Variants in DNAJC11 observed in about 807,000 individuals in gnomAD.
The protein encoded by DNAJC11 is dnaJ homolog subfamily C member 11.
Under a neutral mutation model 78.6 loss-of-function variants are expected in DNAJC11, and 15 were observed. The observed-to-expected ratio is 0.19, with a 90% confidence interval of 0.13 to 0.29. The LOEUF (loss-of-function observed/expected upper bound fraction) is 0.29, where lower values mean the gene tolerates loss of function less well. DNAJC11 is among the 10% of genes least tolerant of loss of function. DNAJC11 has a pLI of 1.00. For missense variants in DNAJC11, 547 were observed against 709.6 expected (o/e 0.77, Z 2.60); for synonymous variants, 292 against 272.1 (o/e 1.07, Z -0.72).
At chr1:6,671,845 A>T (rs539989176) in intron 3 of DNAJC11, among the ~76,000 whole-genome samples, 3 of 151,306 alleles carry the variant, frequency 2.0e-5, no homozygotes, top group Non-Finnish European at 4.4e-5. Context: ...TTAATATTTT[A>T]TTTTTTTGAG....
At chr1:6,647,139 C>T (rs965636619) in intron 7 of DNAJC11, among the ~76,000 whole-genome samples, 4 of 138,612 alleles carry the variant, frequency 2.9e-5, no homozygotes, top group Non-Finnish European at 6.0e-5. Flanking sequence ...AGTGCAGTAG[C>T]GTGATCTTCT....
chr1:6,658,375 T>G (rs2148736204), intron 4 of DNAJC11, among the ~76,000 whole-genome samples: 1 of 152,350 alleles, frequency 6.6e-6, no homozygotes, highest in Non-Finnish European at 1.5e-5. Context: ...TCCTGGTATA[T>G]GATCTGGGTC....
chr1:6,662,269 C>T (rs1447220828), intron 4 of DNAJC11, among the ~76,000 whole-genome samples: 2 of 152,024 alleles, frequency 1.3e-5, no homozygotes. Flanking sequence ...TCTCGGCTCA[C>T]TGCAACCCCC....
At chr1:6,636,470 T>C (rs1325604653) in intron 14 of DNAJC11, among the ~76,000 whole-genome samples, 3 of 152,194 alleles carry the variant, frequency 2.0e-5, no homozygotes, top group Non-Finnish European at 2.9e-5. Context: ...AGATGACTTC[T>C]AGGGTGCCAG....
chr1:6,675,244 C>T (rs1418934604), intron 3 of DNAJC11, among the ~76,000 whole-genome samples: 18 of 148,622 alleles, frequency 1.2e-4, no homozygotes, highest in African/African-American at 4.2e-4. Flanking sequence ...ATTTAGTTTT[C>T]TTTGAAAGCA....
intron 4 of DNAJC11, among the ~76,000 whole-genome samples, chr1:6,662,631 T>A (rs907797947): frequency 8.6e-5 from 13 of 152,012 alleles, no homozygotes; most frequent in African/African-American, 3.1e-4. Context: ...CACCAATCAG[T>A]GCTCTGTGGC....
intron 3 of DNAJC11, among the ~76,000 whole-genome samples, chr1:6,669,540 GA>G (rs1185990089): frequency 7.3e-5 from 11 of 149,992 alleles, no homozygotes; most frequent in Admixed American, 2.7e-4. Context: ...GAAAAGAAAA[GA>G]AAAGAAAAGA....
At chr1:6,698,626 TAA>T (rs35596906) in intron 1 of DNAJC11, among the ~76,000 whole-genome samples, 2,748 of 145,898 alleles carry the variant, frequency 0.019, 68 homozygotes, top group African/African-American at 0.063. Flanking sequence ...TTGGGAGAAG[TAA>T]AAAAAAAAAA....
At chr1:6,641,743 G>T (rs1368078909) in intron 10 of DNAJC11, among the ~76,000 whole-genome samples, 3 of 152,084 alleles carry the variant, frequency 2.0e-5, no homozygotes, top group Non-Finnish European at 4.4e-5. Context: ...AAGTGATTTG[G>T]CTTTGTTTCC....
At chr1:6,657,329 T>C (rs915068340) in intron 4 of DNAJC11, among the ~76,000 whole-genome samples, 3 of 151,748 alleles carry the variant, frequency 2.0e-5, no homozygotes, top group Admixed American at 2.0e-4. Context: ...CGGGGAGAGG[T>C]TGCCTAGAGA....
chr1:6,686,728 T>G (rs1308193835), intron 1 of DNAJC11, among the ~76,000 whole-genome samples: 1 of 152,252 alleles, frequency 6.6e-6, no homozygotes, highest in Non-Finnish European at 1.5e-5. Flanking sequence ...ACGGTACTTA[T>G]ACCTACCATG....
At chr1:6,699,702 A>G (rs945179819) in intron 1 of DNAJC11, among the ~76,000 whole-genome samples, 15 of 152,178 alleles carry the variant, frequency 9.9e-5, no homozygotes, top group Admixed American at 2.0e-4. Context: ...ATGTTTACCT[A>G]TGTAACAAAC....
Position 6,653,860 on chromosome 1 carries a change from C to G in DNAJC11, c.507+51G>C. On this transcript the variant is annotated intron_variant, in intron 5 of 15. Transcript: ENST00000377577. This position sits in a 1 kb window ranked among gnomAD's most constrained non-coding sequence, Gnocchi z 4.5. The stretch of plus-strand genomic sequence containing the variant: ...ATTCCAGCTGCTTGGTGTGCTGTGC[C>G]TCATTAACTCGAGCCCTTGCTGTAC... 6.2e-7 allele frequency: 1 copy of G among 1,600,700 alleles called. No individual in the cohort carries two copies. The highest frequency in any genetic ancestry group is 8.5e-7 in the Non-Finnish European group (1 of 1,170,662).
chr1:6,652,930 T>C lies in DNAJC11; in HGVS notation c.529A>G (p.Thr177Ala). The change falls in exon 6 of 16, where the codon ACA becomes GCA. Residue 177 changes from threonine to alanine, a missense_variant. Thr to Ala is a moderately conservative substitution (Grantham distance 58, BLOSUM62 0). Coordinates refer to ENST00000377577, the MANE Select transcript of DNAJC11 (RefSeq NM_018198.4). Reference sequence around the variant, plus strand: ...GAGAGGCTTCCAGAGAGGATGGCTGTGTCTGTCGCTGTCAAGGGTGCCTAA... The same window carrying C: ...GAGAGGCTTCCAGAGAGGATGGCTGCGTCTGTCGCTGTCAAGGGTGCCTAA... ...SIEAPLTATD[T>A]AILSGSLSTQ... The C allele has an allele frequency of 6.2e-7, 1 of 1,614,188 alleles. No homozygotes were observed. Among genetic ancestry groups the C allele is most frequent in the East Asian group, 2.2e-5 (1 of 44,884 alleles).
chr1:6,667,866 G>A (rs373970117), intron 3 of DNAJC11, 56 bp from the exon 4 acceptor site: 45 of 1,509,910 alleles, frequency 3.0e-5, no homozygotes, highest in South Asian at 1.5e-4. Flanking sequence ...TAAGGGAAAC[G>A]TACACAAAGA....
chr1:6,651,562 C>A lies in DNAJC11; in HGVS notation c.671G>T (p.Gly224Val). 6.2e-7 allele frequency: 1 copy of A among 1,614,140 alleles called. No homozygotes were observed. The change falls in exon 7 of 16, where the codon GGT becomes GTT. Residue 224 changes from glycine to valine, a missense_variant. Coordinates refer to ENST00000377577, the MANE Select transcript of DNAJC11 (RefSeq NM_018198.4). ...TGTGAGATTACGGAACAGCTTGAGA[C>A]CGAACAAAGGCCCCTGTAGGTCTCC... ...GAGDLQGPLFGLKLFRNLTPR... is the reference protein window; with the variant it reads ...GAGDLQGPLFVLKLFRNLTPR...
intron 1 of DNAJC11, among the ~76,000 whole-genome samples, chr1:6,696,126 G>A (rs1447142590): frequency 5.9e-5 from 9 of 152,206 alleles, no homozygotes; most frequent in Non-Finnish European, 1.2e-4. Context: ...TTGGACAACC[G>A]AGGCTTAATT....
intron 3 of DNAJC11, among the ~76,000 whole-genome samples, chr1:6,676,948 T>C (rs575963398): frequency 3.3e-5 from 5 of 151,772 alleles, no homozygotes; most frequent in African/African-American, 1.2e-4. Flanking sequence ...CCGAGGTGGG[T>C]GGATCGTCTG....
At chr1:6,660,617 C>T (rs778704532) in intron 4 of DNAJC11, among the ~76,000 whole-genome samples, 10 of 152,074 alleles carry the variant, frequency 6.6e-5, no homozygotes, top group Admixed American at 3.9e-4. Context: ...AATTACTTTG[C>T]GAATAAATCA....
Sources: gnomAD v4.1 joint callset for allele counts (sites outside exome capture counted in the v4.1 genomes callset) on GRCh38, gnomAD v4.1.1 for gene constraint, Gnocchi (gnomAD v3.1) non-coding constraint, MANE v1.5 for transcripts, NCBI Gene and HGNC (gene_info 2026-07-23, HGNC 2026-07-21) for gene names.